XPO1: variants seen among roughly 807,000 people sequenced by gnomAD.
XPO1 encodes the protein exportin-1.
In XPO1, 5 loss-of-function variants were observed where a neutral mutation model predicts 133.3. The ratio of observed to expected loss-of-function variants is 0.04; its 90% CI spans 0.02 to 0.08. The LOEUF is 0.08. Ranked by LOEUF, XPO1 falls within the 10% of genes least tolerant of loss-of-function variation. XPO1 has a pLI of 1.00. For synonymous variants in XPO1, 419 were observed against 408.2 expected, an observed-to-expected ratio of 1.03 and a Z score of -0.32; for missense variants, 506 against 1,267.5, an observed-to-expected ratio of 0.40 and a Z score of 9.12.
At chr2:61,504,601 A>G (rs1558652567) in intron 4 of XPO1, among the ~76,000 whole-genome samples, 1 of 152,194 alleles carries the variant, frequency 6.6e-6, no homozygotes, top group Admixed American at 6.6e-5. Context: ...GTATGTTCCA[A>G]GCCTCATCTG....
At chr2:61,534,742 C>T (rs1699289428) in intron 1 of XPO1, 1 of 152,178 alleles carries the variant, frequency 6.6e-6, no homozygotes, top group Non-Finnish European at 1.5e-5. Flanking sequence ...TACAGTAATT[C>T]CTATTGTCTA....
At chr2:61,501,512 A>C (rs189224265) in intron 6 of XPO1, among the ~76,000 whole-genome samples, 21 of 152,190 alleles carry the variant, frequency 1.4e-4, no homozygotes, top group Admixed American at 5.2e-4. Flanking sequence ...ACCTGAGGTC[A>C]AGAGTTTGAG....
At chr2:61,482,924 G>T in intron 22 of XPO1, 33 bp downstream of exon 22, 1 of 1,612,036 alleles carries the variant, frequency 6.2e-7, no homozygotes, top group Non-Finnish European at 8.5e-7. Context: ...TGCCCAGCTG[G>T]CACTTAACAT....
At chr2:61,486,026 A>T in intron 19 of XPO1, 64 bp from the exon 20 acceptor site, 2 of 1,419,984 alleles carry the variant, frequency 1.4e-6, no homozygotes, top group Non-Finnish European at 1.9e-6. Context: ...TTTAAACAAC[A>T]AGGTTATTCC....
chr2:61,491,496 A>ACC (rs1553404975), intron 16 of XPO1, among the ~76,000 whole-genome samples: 43 of 147,352 alleles, frequency 2.9e-4, no homozygotes, highest in Non-Finnish European at 4.5e-4. Context: ...ACACACACAC[A>ACC]CCCCAAAACA....
chr2:61,497,843 A>G (rs1697317099), intron 9 of XPO1, among the ~76,000 whole-genome samples: 2 of 152,230 alleles, frequency 1.3e-5, no homozygotes, highest in South Asian at 2.1e-4. Context: ...GGACAATTGC[A>G]TAATATCTTA....
chr2:61,511,107 T>C (rs1035387085), intron 4 of XPO1, among the ~76,000 whole-genome samples: 1 of 152,082 alleles, frequency 6.6e-6, no homozygotes, highest in African/African-American at 2.4e-5. Flanking sequence ...ATATACAATG[T>C]GCCTGAAAAT....
intron 4 of XPO1, among the ~76,000 whole-genome samples, chr2:61,521,914 T>C (rs1252825948): frequency 6.6e-6 from 1 of 151,860 alleles, no homozygotes; most frequent in Non-Finnish European, 1.5e-5. Flanking sequence ...TGCACCAAAA[T>C]ACCTGGCTAA....
chr2:61,485,656 A>AT, intron 20 of XPO1, 112 bp downstream of exon 20: 1 of 983,186 alleles, frequency 1.0e-6, no homozygotes, highest in South Asian at 1.9e-5. Flanking sequence ...AAGTTTAAAT[A>AT]TTTAAACTCC....
intron 4 of XPO1, among the ~76,000 whole-genome samples, chr2:61,512,904 G>A (rs889007056): frequency 6.6e-6 from 1 of 152,236 alleles, no homozygotes; most frequent in East Asian, 1.9e-4. Flanking sequence ...AGCCGGGTGT[G>A]GTGGTGTGCA....
upstream of XPO1, chr2:61,538,453 C>G (rs1257333047): frequency 1.3e-5 from 2 of 152,898 alleles, no homozygotes; most frequent in African/African-American, 2.4e-5. Context: ...GTCAATCCCG[C>G]CTCACGGCTC....
At chr2:61,483,553 TAAAA>T (rs990865471) in intron 21 of XPO1, 4 of 183,350 alleles carry the variant, frequency 2.2e-5, no homozygotes, top group Non-Finnish European at 4.5e-5. Flanking sequence ...ACTATTGAAA[TAAAA>T]AAAGAACCTC....
chr2:61,529,894 TTG>T (rs1346684190), intron 2 of XPO1, among the ~76,000 whole-genome samples: 7 of 152,162 alleles, frequency 4.6e-5, no homozygotes, highest in African/African-American at 1.7e-4. Flanking sequence ...CCTGCTTCCA[TTG>T]TGAGTCTGTG....
chr2:61,479,374 C>A (rs769278742), intron 24 of XPO1, among the ~76,000 whole-genome samples: 1 of 151,894 alleles, frequency 6.6e-6, no homozygotes, highest in Non-Finnish European at 1.5e-5. Flanking sequence ...ATCACTTGAA[C>A]CTGCATGGCG....
chr2:61,497,874 AG>A (rs1420766829), intron 9 of XPO1, among the ~76,000 whole-genome samples: 4 of 152,240 alleles, frequency 2.6e-5, no homozygotes, highest in African/African-American at 9.6e-5. Flanking sequence ...TGTTCTCTGT[AG>A]GACTGTTGAC....
chr2:61,493,627 T>C (rs1219473590), intron 12 of XPO1: 1 of 359,272 alleles, frequency 2.8e-6, no homozygotes, highest in Admixed American at 4.5e-5. Context: ...GTCTCATTCC[T>C]AGACTCTGGT....
chr2:61,490,879 G>A, intron 16 of XPO1, 103 bp from the exon 17 acceptor site: 1 of 1,392,334 alleles, frequency 7.2e-7, no homozygotes, highest in South Asian at 1.3e-5. Flanking sequence ...TTTGGCCCAG[G>A]TGCAGTGGAT....
chr2:61,528,460 C>T (rs1699004127), intron 2 of XPO1, among the ~76,000 whole-genome samples: 1 of 151,718 alleles, frequency 6.6e-6, no homozygotes, highest in Non-Finnish European at 1.5e-5. Flanking sequence ...TGGCGAAACC[C>T]CATCTCTACT....
At chr2:61,503,340 C>T (rs897008107) in intron 4 of XPO1, among the ~76,000 whole-genome samples, 5 of 151,996 alleles carry the variant, frequency 3.3e-5, no homozygotes, top group East Asian at 1.9e-4. Context: ...CTGCAACCTC[C>T]GCCTCCACCT....
Sources: gnomAD v4.1 joint callset for allele counts (sites outside exome capture counted in the v4.1 genomes callset) on GRCh38, gnomAD v4.1.1 for gene constraint, MANE v1.5 for transcripts, NCBI Gene and HGNC (gene_info 2026-07-23, HGNC 2026-07-21) for gene names.